MBNL2: variants seen among roughly 807,000 people sequenced by gnomAD.
MBNL2 encodes the protein muscleblind like splicing regulator 2.
In MBNL2, 17 loss-of-function variants were observed where a neutral mutation model predicts 41.9. That is an observed-to-expected ratio of 0.41 (90% CI 0.28 to 0.61). The LOEUF is 0.61. Among genes scored for constraint, MBNL2 ranks in the 20% least tolerant of loss-of-function variants. MBNL2 has a pLI of 0.35. For missense variants in MBNL2, 336 were observed against 505.6 expected, an observed-to-expected ratio of 0.66 and a Z score of 3.22; for synonymous variants, 195 against 182.9, an observed-to-expected ratio of 1.07 and a Z score of -0.53.
chr13:97,323,505 C>T (rs1594210214), intron 2 of MBNL2, among the ~76,000 whole-genome samples: 1 of 152,142 alleles, frequency 6.6e-6, no homozygotes, highest in East Asian at 1.9e-4. Context: ...TTAGCATTCA[C>T]TTTGTATTAG....
chr13:97,145,957 CTCTTT>C, the MBNL2 span, among the ~76,000 whole-genome samples: 59,676 of 143,752 alleles, frequency 0.42, 13,684 homozygotes, highest in Non-Finnish European at 0.51. Flanking sequence ...CAGGGTTCTA[CTCTTT>C]TCTTTTCTTT....
intron 5 of MBNL2, among the ~76,000 whole-genome samples, chr13:97,351,660 A>G (rs2062470803): frequency 6.6e-6 from 1 of 152,212 alleles, no homozygotes; most frequent in South Asian, 2.1e-4. Context: ...GCTAGCTTCC[A>G]ACTTTTCTTT....
chr13:97,311,888 G>A (rs1489396515), intron 2 of MBNL2, among the ~76,000 whole-genome samples: 1 of 152,102 alleles, frequency 6.6e-6, no homozygotes, highest in East Asian at 1.9e-4. Flanking sequence ...TCCTCCTTTT[G>A]TATAACCTGC....
At chr13:97,385,793 C>T (rs892122680) in intron 8 of MBNL2, among the ~76,000 whole-genome samples, 1 of 152,272 alleles carries the variant, frequency 6.6e-6, no homozygotes. Flanking sequence ...GGAAATTCTA[C>T]GTTGATTTGT....
the MBNL2 span, among the ~76,000 whole-genome samples, chr13:97,176,328 TG>T: frequency 2.6e-5 from 4 of 152,122 alleles, no homozygotes; most frequent in Non-Finnish European, 5.9e-5. Context: ...TACATTAACT[TG>T]GGGGCACTTT....
chr13:97,340,493 G>A (rs771693710), intron 3 of MBNL2, among the ~76,000 whole-genome samples: 4 of 152,126 alleles, frequency 2.6e-5, no homozygotes, highest in Admixed American at 6.5e-5. Flanking sequence ...AACCTTGATG[G>A]ACATTGATTT....
chr13:97,257,732 C>T (rs191893196), intron 1 of MBNL2, among the ~76,000 whole-genome samples: 23 of 152,320 alleles, frequency 1.5e-4, no homozygotes, highest in African/African-American at 4.6e-4. Flanking sequence ...TGAGCACAGG[C>T]GCCTGTGCAG....
intron 3 of MBNL2, among the ~76,000 whole-genome samples, chr13:97,339,868 T>TGGGGGGG (rs2061292079): frequency 1.3e-5 from 1 of 77,116 alleles, no homozygotes; most frequent in African/African-American, 6.5e-5. Flanking sequence ...CTGATTTGTG[T>TGGGGGGG]GTGGGCGGGG....
At chr13:97,199,996 C>A in the MBNL2 span, among the ~76,000 whole-genome samples, 3 of 152,182 alleles carry the variant, frequency 2.0e-5, no homozygotes, top group Admixed American at 2.0e-4. Context: ...GCCAGACTGG[C>A]AAATGGAGAT....
At chr13:97,302,870 G>A (rs1055995835) in intron 2 of MBNL2, among the ~76,000 whole-genome samples, 1 of 152,186 alleles carries the variant, frequency 6.6e-6, no homozygotes, top group Admixed American at 6.5e-5. Context: ...CACTGACTGA[G>A]TGCCCTGCAG....
intron 8 of MBNL2, among the ~76,000 whole-genome samples, chr13:97,389,433 G>A (rs1300162482): frequency 6.6e-6 from 1 of 152,196 alleles, no homozygotes; most frequent in African/African-American, 2.4e-5. Context: ...GCTGGGTACA[G>A]TGGCTCACGC....
chr13:97,246,879 T>C (rs765045445), intron 1 of MBNL2, among the ~76,000 whole-genome samples: 3 of 152,228 alleles, frequency 2.0e-5, no homozygotes, highest in Non-Finnish European at 2.9e-5. Context: ...AATATACTTA[T>C]TGCTGTTCTG....
chr13:97,278,766 C>G (rs774342937), intron 2 of MBNL2, among the ~76,000 whole-genome samples: 63 of 152,188 alleles, frequency 4.1e-4, no homozygotes, highest in African/African-American at 1.4e-3. Flanking sequence ...TTATCAGTTC[C>G]CTTTCAGAAT....
chr13:97,195,900 C>T, the MBNL2 span, among the ~76,000 whole-genome samples: 2 of 152,152 alleles, frequency 1.3e-5, no homozygotes, highest in South Asian at 2.1e-4. Flanking sequence ...ACATGTACTA[C>T]ACTGGACAAC....
chr13:97,293,924 A>G (rs2056604475), intron 2 of MBNL2, among the ~76,000 whole-genome samples: 1 of 151,930 alleles, frequency 6.6e-6, no homozygotes, highest in African/African-American at 2.4e-5. Context: ...CACGGAACCC[A>G]CTTTGTAGTG....
intron 1 of MBNL2, among the ~76,000 whole-genome samples, chr13:97,273,788 C>T (rs147740428): frequency 6.1e-4 from 93 of 152,232 alleles, no homozygotes; most frequent in African/African-American, 1.9e-3. Context: ...AGGCCGGACG[C>T]GGTGGCTCAC....
chr13:97,358,632 A>G (rs1433223434), intron 7 of MBNL2, among the ~76,000 whole-genome samples: 1 of 152,196 alleles, frequency 6.6e-6, no homozygotes, highest in Non-Finnish European at 1.5e-5. Flanking sequence ...ATAATTGACC[A>G]TGTTTTTCAC....
At chr13:97,322,021 A>G (rs1263552755) in intron 2 of MBNL2, among the ~76,000 whole-genome samples, 1 of 152,224 alleles carries the variant, frequency 6.6e-6, no homozygotes. Flanking sequence ...ACAACGTTAT[A>G]TAAGTCTCTG....
intron 1 of MBNL2, among the ~76,000 whole-genome samples, chr13:97,273,965 G>A (rs541578211): frequency 6.6e-6 from 1 of 152,206 alleles, no homozygotes; most frequent in East Asian, 1.9e-4. Context: ...GGAAGCTGAG[G>A]CAGGAGAATC....
Sources: gnomAD v4.1 joint callset for allele counts (sites outside exome capture counted in the v4.1 genomes callset) on GRCh38, gnomAD v4.1.1 for gene constraint, MANE v1.5 for transcripts, NCBI Gene and HGNC (gene_info 2026-07-23, HGNC 2026-07-21) for gene names.